The following EFL1 variants were observed in gnomAD, a reference collection of about 807,000 sequenced individuals.
EFL1 encodes elongation factor-like GTPase 1.
In EFL1, 76 loss-of-function variants were observed where a neutral mutation model predicts 126.7. The ratio of observed to expected loss-of-function variants is 0.60; its 90% CI spans 0.50 to 0.73. The LOEUF is 0.73. EFL1 is among the 30% of genes least tolerant of loss of function. The pLI is 0.00. For synonymous variants in EFL1, 410 were observed against 448.4 expected (o/e 0.91, Z 1.08); for missense variants, 1,128 against 1,343.2 (o/e 0.84, Z 2.50).
At chr15:82,208,676 T>C (rs2074551539) in intron 15 of EFL1, among the ~76,000 whole-genome samples, 1 of 152,066 alleles carries the variant, frequency 6.6e-6, no homozygotes, top group Non-Finnish European at 1.5e-5. Flanking sequence ...GCCTTAATAA[T>C]CAGGAAATTA....
chr15:82,210,640 T>C (rs1173571299), intron 15 of EFL1, among the ~76,000 whole-genome samples: 1 of 151,714 alleles, frequency 6.6e-6, no homozygotes, highest in Non-Finnish European at 1.5e-5. Context: ...AGCAGGCAAA[T>C]CACCTGAGGT....
Position 82,204,386 on chromosome 15 carries a change from C to A in EFL1, c.1750+10331G>T, listed in dbSNP as rs565383369. Among the ~76,000 whole-genome samples the A allele has an allele frequency of 8.1e-4, 120 of 148,008 alleles. 2 individuals are homozygous for A. The highest frequency in any genetic ancestry group is 4.0e-3 in the Admixed American group (60 of 14,852). On this transcript the variant is annotated intron_variant, in intron 15 of 19. Coordinates refer to ENST00000268206, the MANE Select transcript of EFL1 (RefSeq NM_024580.6). ...AAAAAATACCTTTCCTTTTGGAAAT[C>A]AAAAAAAAAAAATCTACTTAACCAA... is the stretch of plus-strand genomic sequence containing the variant.
intron 18 of EFL1, among the ~76,000 whole-genome samples, chr15:82,146,547 A>G (rs1227626538): frequency 6.6e-6 from 1 of 152,088 alleles, no homozygotes; most frequent in African/African-American, 2.4e-5. Flanking sequence ...CTCAAAAGCA[A>G]AGAGAAAACA....
chr15:82,140,201 C>T (rs1470169026), intron 18 of EFL1, among the ~76,000 whole-genome samples: 2 of 152,178 alleles, frequency 1.3e-5, no homozygotes, highest in Non-Finnish European at 2.9e-5. Flanking sequence ...CTTGCTTCCT[C>T]ACATCTTAAA....
intron 12 of EFL1, 123 bp from the exon 13 acceptor site, chr15:82,220,352 G>A: frequency 8.3e-7 from 1 of 1,199,308 alleles, no homozygotes; most frequent in Non-Finnish European, 1.2e-6. Context: ...TTTTGTCCAA[G>A]TCCTCTCCCT....
At chr15:82,194,046 A>G (rs1164898685) in intron 15 of EFL1, among the ~76,000 whole-genome samples, 3 of 152,112 alleles carry the variant, frequency 2.0e-5, no homozygotes, top group African/African-American at 7.2e-5. Flanking sequence ...AATCTTAGAG[A>G]AAGAACTTTA....
chr15:82,151,328 C>A, intron 18 of EFL1, 137 bp downstream of exon 18: 1 of 790,314 alleles, frequency 1.3e-6, no homozygotes, highest in South Asian at 1.7e-5. Context: ...GCAGAGGTTG[C>A]AGTGAGCCGA....
At chr15:82,199,151 C>G (rs1376301753) in intron 15 of EFL1, among the ~76,000 whole-genome samples, 4 of 152,004 alleles carry the variant, frequency 2.6e-5, no homozygotes, top group Admixed American at 2.6e-4. Flanking sequence ...CTCCAAATCC[C>G]AAGTCCAAAA....
Position 82,185,790 on chromosome 15 carries a change from AAACAGTTTTGT to A in EFL1, c.1751-21817_1751-21807del, listed in dbSNP as rs1436290670. 3.3e-5 allele frequency among the ~76,000 whole-genome samples: 5 copies of A among 152,302 alleles called. No homozygotes were observed. The South Asian group carries it at 6.2e-4, about 19-fold the overall frequency. On this transcript the variant is annotated intron_variant, in intron 15 of 19. Transcript: ENST00000268206. ...TGACATATTCAGGACTCTACTGTTG[AAACAGTTTTGT>A]AACATTTTTTCCCTAGAAAATCAAG...
intron 15 of EFL1, among the ~76,000 whole-genome samples, chr15:82,205,127 C>T (rs1270800297): frequency 1.3e-5 from 2 of 152,170 alleles, no homozygotes; most frequent in Admixed American, 6.5e-5. Context: ...GTCTCACGAG[C>T]ATTTCCTCCA....
At chr15:82,165,209 G>C (rs1429391047) in intron 15 of EFL1, among the ~76,000 whole-genome samples, 3 of 152,056 alleles carry the variant, frequency 2.0e-5, no homozygotes. Flanking sequence ...TTCAAGACTG[G>C]GTGACAGACT....
chr15:82,248,124 T>C (rs1194500815), intron 4 of EFL1, among the ~76,000 whole-genome samples: 1 of 151,962 alleles, frequency 6.6e-6, no homozygotes, highest in African/African-American at 2.4e-5. Flanking sequence ...CATCACAGAG[T>C]TGCTGTGAAG....
chr15:82,136,466 G>A (rs570106685), intron 19 of EFL1, among the ~76,000 whole-genome samples: 47 of 152,296 alleles, frequency 3.1e-4, no homozygotes, highest in Middle Eastern at 6.8e-3. Flanking sequence ...AGCATTCTTC[G>A]TCTCAAGGTC....
intron 19 of EFL1, among the ~76,000 whole-genome samples, chr15:82,137,662 T>C (rs987913043): frequency 3.9e-5 from 6 of 152,254 alleles, no homozygotes; most frequent in African/African-American, 1.4e-4. Context: ...CAAGCCTCCA[T>C]GGTAAAAGGG....
chr15:82,220,893 A>T (rs1410973725), intron 12 of EFL1, among the ~76,000 whole-genome samples: 2 of 152,194 alleles, frequency 1.3e-5, no homozygotes, highest in Admixed American at 1.3e-4. Flanking sequence ...ACAAAAGGGG[A>T]ATACTAAGTT....
intron 15 of EFL1, among the ~76,000 whole-genome samples, chr15:82,180,370 A>AAC (rs1555426957): frequency 9.7e-5 from 10 of 102,760 alleles, no homozygotes; most frequent in African/African-American, 4.2e-4. Context: ...AAAAAAAAAA[A>AAC]AACAAAAAAA....
intron 19 of EFL1, among the ~76,000 whole-genome samples, chr15:82,133,801 G>A (rs1286642490): frequency 6.6e-6 from 1 of 152,194 alleles, no homozygotes; most frequent in African/African-American, 2.4e-5. Flanking sequence ...CAGGGTGAGA[G>A]GGGTGGTGTC....
intron 15 of EFL1, among the ~76,000 whole-genome samples, chr15:82,211,067 A>G (rs1343464926): frequency 1.3e-5 from 2 of 151,600 alleles, no homozygotes; most frequent in Non-Finnish European, 2.9e-5. Context: ...TTCCATTTCA[A>G]AACTACCTGA....
intron 7 of EFL1, among the ~76,000 whole-genome samples, chr15:82,234,267 G>T (rs1389560172): frequency 6.6e-6 from 1 of 152,116 alleles, no homozygotes; most frequent in Non-Finnish European, 1.5e-5. Flanking sequence ...AAATCAACAA[G>T]TACGACCGTA....
Sources: allele counts gnomAD v4.1 joint callset (sites outside exome capture counted in the v4.1 genomes callset), GRCh38; gene constraint gnomAD v4.1.1; transcripts MANE v1.5; gene names NCBI Gene and HGNC (gene_info 2026-07-23, HGNC 2026-07-21).